The following EYS variants were observed in gnomAD, a reference collection of about 807,000 sequenced individuals.
EYS encodes EGF-like photoreceptor maintenance factor.
EYS carries 250 observed loss-of-function variants against 282.1 expected under a neutral mutation model. The observed-to-expected ratio is 0.89, with a 90% CI of 0.80 to 0.98. The LOEUF (loss-of-function observed/expected upper bound fraction) is 0.98. Ranked by LOEUF, EYS falls within the 50% of genes least tolerant of loss-of-function variation. EYS has a pLI of 0.00. For synonymous variants in EYS, 1,355 were observed against 1,282.9 expected (o/e 1.06, Z -1.20); for missense variants, 4,016 against 3,709.0 (o/e 1.08, Z -2.15).
At chr6:64,031,678 A>G (rs1769847277) in intron 33 of EYS, among the ~76,000 whole-genome samples, 1 of 152,086 alleles carries the variant, frequency 6.6e-6, no homozygotes, top group African/African-American at 2.4e-5. Context: ...AGGGTTTGTG[A>G]ATGCTCCAAT....
rs901252274 is a variant in EYS, at chr6:63,998,016, T to C, written c.6834+1059A>G. Among the ~76,000 whole-genome samples the C allele has an allele frequency of 2.0e-5, 3 of 152,158 alleles. 1 individual carries two copies. The South Asian group carries it at 6.2e-4, about 32-fold the overall frequency. Reference sequence around the variant, plus strand: ...GCCCTCTCGGGATCTAGAATGACTTTTTAAAACATAAAAACAATTTTATTC... The same window carrying C: ...GCCCTCTCGGGATCTAGAATGACTTCTTAAAACATAAAAACAATTTTATTC... On this transcript the variant is annotated intron_variant, in intron 34 of 42. Transcript: ENST00000503581.
At chr6:65,607,256 G>A (rs12527853) in intron 2 of EYS, among the ~76,000 whole-genome samples, 2 of 151,562 alleles carry the variant, frequency 1.3e-5, no homozygotes, top group Non-Finnish European at 3.0e-5. Context: ...TGTCATAAAG[G>A]TTGGCACTCT....
At chr6:65,648,264 A>T (rs1767524371) in intron 1 of EYS, among the ~76,000 whole-genome samples, 1 of 152,058 alleles carries the variant, frequency 6.6e-6, no homozygotes, top group African/African-American at 2.4e-5. Flanking sequence ...ATTGCAAAAA[A>T]TGGAATGAAC....
At chr6:64,383,739 T>C (rs955912928) in intron 29 of EYS, among the ~76,000 whole-genome samples, 1 of 152,230 alleles carries the variant, frequency 6.6e-6, no homozygotes. Context: ...GACAGGGTAA[T>C]GATTAACTTT....
At chr6:64,200,778 A>G (rs1235578167) in intron 31 of EYS, among the ~76,000 whole-genome samples, 1 of 152,100 alleles carries the variant, frequency 6.6e-6, no homozygotes, top group Non-Finnish European at 1.5e-5. Context: ...GATAATTTGT[A>G]TTATTTTTTA....
intron 29 of EYS, among the ~76,000 whole-genome samples, chr6:64,384,624 A>G (rs1772851232): frequency 6.6e-6 from 1 of 152,206 alleles, no homozygotes; most frequent in Non-Finnish European, 1.5e-5. Context: ...TGGTGTCCTT[A>G]ACTAACTTGG....
intron 35 of EYS, among the ~76,000 whole-genome samples, chr6:63,901,479 T>G (rs1262924674): frequency 6.6e-6 from 1 of 152,156 alleles, no homozygotes; most frequent in Non-Finnish European, 1.5e-5. Flanking sequence ...GCTAAAAACT[T>G]TTCAAATCGT....
intron 26 of EYS, among the ~76,000 whole-genome samples, chr6:64,552,006 G>A (rs546763057): frequency 3.9e-5 from 6 of 152,158 alleles, no homozygotes; most frequent in East Asian, 1.9e-4. Flanking sequence ...CTGACTTCAC[G>A]TGATTCACCC....
At chr6:64,570,790 C>G (rs1285092841) in intron 26 of EYS, among the ~76,000 whole-genome samples, 1 of 152,142 alleles carries the variant, frequency 6.6e-6, no homozygotes, top group Admixed American at 6.5e-5. Flanking sequence ...AAAGCAAGTT[C>G]TTAGAGACCT....
Position 63,726,685 on chromosome 6 carries a change from G to T in EYS, c.8072-5C>A, listed in dbSNP as rs1427347993. 1.2e-5 allele frequency: 19 copies of T among 1,549,592 alleles called. No individual in the cohort carries two copies. The Admixed American group carries it at 3.7e-4, about 31-fold the overall frequency. Reference sequence around the variant, plus strand: ...ATGGATCACTTATGGATAAAGCTGAGGGAAGGAGAGAAAGAGAACTCTGGG... The same window carrying T: ...ATGGATCACTTATGGATAAAGCTGATGGAAGGAGAGAAAGAGAACTCTGGG... On this transcript the variant is annotated splice_region_variant and splice_polypyrimidine_tract_variant and intron_variant, in intron 41 of 42. Coordinates refer to ENST00000503581, the MANE Select transcript of EYS (RefSeq NM_001142800.2).
At chr6:65,501,441 A>C (rs1766446702) in intron 2 of EYS, among the ~76,000 whole-genome samples, 1 of 151,898 alleles carries the variant, frequency 6.6e-6, no homozygotes, top group African/African-American at 2.4e-5. Flanking sequence ...AATATTTTAT[A>C]TTTTAATAAG....
At chr6:64,363,220 A>G (rs1772075724) in intron 29 of EYS, among the ~76,000 whole-genome samples, 1 of 151,930 alleles carries the variant, frequency 6.6e-6, no homozygotes, top group Non-Finnish European at 1.5e-5. Flanking sequence ...CGATTTAATC[A>G]ACACTGAGAA....
intron 25 of EYS, 49 bp from the exon 26 acceptor site, chr6:64,592,038 G>A (rs1270734362): frequency 4.5e-6 from 6 of 1,345,642 alleles, no homozygotes; most frequent in African/African-American, 4.4e-5. Context: ...AATCAGAAAC[G>A]AACCACTTTG....
chr6:65,648,963 G>A (rs12191907), intron 1 of EYS, among the ~76,000 whole-genome samples: 60,412 of 151,220 alleles, frequency 0.4, 14,551 homozygotes, highest in East Asian at 0.53. Flanking sequence ...TGGCTAACAT[G>A]CTGATACCCC....
intron 31 of EYS, among the ~76,000 whole-genome samples, chr6:64,090,786 A>T (rs1426561784): frequency 6.6e-6 from 1 of 152,118 alleles, no homozygotes; most frequent in African/African-American, 2.4e-5. Flanking sequence ...CACTCACCAC[A>T]TCATTCTATA....
intron 2 of EYS, among the ~76,000 whole-genome samples, chr6:65,595,968 T>C (rs1420641803): frequency 2.0e-5 from 3 of 152,086 alleles, no homozygotes; most frequent in Non-Finnish European, 4.4e-5. Context: ...TTCAACCCCC[T>C]ATCTCAGTGG....
At chr6:64,866,967 A>G (rs763383958) in intron 19 of EYS, among the ~76,000 whole-genome samples, 4 of 151,864 alleles carry the variant, frequency 2.6e-5, no homozygotes, top group Non-Finnish European at 5.9e-5. Flanking sequence ...AAAAATGTAT[A>G]CATATGCCTG....
chr6:64,232,520 G>C (rs1281754344), intron 30 of EYS, among the ~76,000 whole-genome samples: 1 of 152,100 alleles, frequency 6.6e-6, no homozygotes, highest in Non-Finnish European at 1.5e-5. Context: ...TTCCCGAGTA[G>C]CTGGGATTAC....
chr6:64,853,607 T>C (rs1765954772), intron 19 of EYS, among the ~76,000 whole-genome samples: 1 of 152,140 alleles, frequency 6.6e-6, no homozygotes, highest in Non-Finnish European at 1.5e-5. Flanking sequence ...CTTATCTCAG[T>C]GGAGAAGTAA....
Sources: gnomAD v4.1 joint callset for allele counts (sites outside exome capture counted in the v4.1 genomes callset) on GRCh38, gnomAD v4.1.1 for gene constraint, MANE v1.5 for transcripts, NCBI Gene and HGNC (gene_info 2026-07-23, HGNC 2026-07-21) for gene names.